The following KIAA1755 variants were observed in gnomAD, a reference collection of about 807,000 sequenced individuals.
KIAA1755 encodes the protein uncharacterized protein KIAA1755.
In KIAA1755, 68 loss-of-function variants were observed where a neutral mutation model predicts 91.7. The observed-to-expected ratio is 0.74, with a 90% CI of 0.61 to 0.91. KIAA1755 has a LOEUF of 0.91. Ranked by LOEUF, KIAA1755 falls within the 40% of genes least tolerant of loss-of-function variation. KIAA1755 has a pLI of 0.00. For missense variants in KIAA1755, 1,535 were observed against 1,494.4 expected, an observed-to-expected ratio of 1.03 and a Z score of -0.45; for synonymous variants, 610 against 604.6, an observed-to-expected ratio of 1.01 and a Z score of -0.13.
chr20:38,214,283 G>C (rs77614687), intron 13 of KIAA1755, among the ~76,000 whole-genome samples: 27 of 152,310 alleles, frequency 1.8e-4, no homozygotes, highest in Admixed American at 5.9e-4. Flanking sequence ...CTACGGGCCA[G>C]CAGGGACTTA....
chr20:38,223,932 T>G (rs987125565), intron 8 of KIAA1755, among the ~76,000 whole-genome samples: 10 of 151,686 alleles, frequency 6.6e-5, no homozygotes, highest in Non-Finnish European at 1.0e-4. Context: ...TGAGTATGAG[T>G]GAGGGAGAAG....
chr20:38,256,853 A>G (rs2076348056), intron 1 of KIAA1755, among the ~76,000 whole-genome samples: 1 of 152,182 alleles, frequency 6.6e-6, no homozygotes, highest in East Asian at 1.9e-4. Context: ...TGTGCTGTTT[A>G]AATTCCTTCC....
In KIAA1755 at chr20:38,218,310, C is replaced by CTT. The variant is rs1568732618; in HGVS notation, c.2611_2612dup (p.Asp872ArgfsTer71). The CTT allele has an allele frequency of 1.9e-6, 3 of 1,614,238 alleles. No homozygotes were observed. The East Asian group carries it at 6.7e-5, about 36-fold the overall frequency. ...TCTCCACTGTCTCCAAACTTCCATCCTTGGGGGTCAGTGATTGCAGGCACC... is the reference window on the plus strand; with the variant it reads ...TCTCCACTGTCTCCAAACTTCCATCCTTTTGGGGGTCAGTGATTGCAGGCACC... On this transcript the variant is annotated frameshift_variant, in exon 12 of 14. Coordinates refer to ENST00000279024, the MANE Select transcript of KIAA1755 (RefSeq NM_001029864.2). LOFTEE classifies it high-confidence loss of function.
At position 38,240,860 on chromosome 20, in the gene KIAA1755, C is replaced by T. The variant is rs768457929; in HGVS notation, c.1271G>A (p.Arg424His). The T allele has an allele frequency of 9.9e-5, 159 of 1,614,028 alleles. 4 individuals carry two copies. The South Asian group carries it at 1.4e-3, about 14-fold the overall frequency. ...AGCTGCAGGAGAAGCTGGGGACAGG[C>T]GGGGAGAGGAGGCTTGTCTTGGTCC... ...RPGPRQASSP[R>H]LSPASPAAAA... The change falls in exon 3 of 14, where the codon CGC becomes CAC. Residue 424 changes from arginine (R) to histidine (H), a missense_variant. Coordinates refer to ENST00000279024, the MANE Select transcript of KIAA1755 (RefSeq NM_001029864.2).
intron 4 of KIAA1755, among the ~76,000 whole-genome samples, chr20:38,232,770 A>T (rs545236287): frequency 6.6e-6 from 1 of 152,172 alleles, no homozygotes; most frequent in Admixed American, 6.5e-5. Flanking sequence ...TGGGGATAAG[A>T]GGGGAGACTT....
At chr20:38,229,077 C>T (rs941128936) in intron 5 of KIAA1755, among the ~76,000 whole-genome samples, 5 of 152,296 alleles carry the variant, frequency 3.3e-5, no homozygotes, top group Admixed American at 6.5e-5. Context: ...GTTCCAAGCA[C>T]CCTCGGCCAG....
At chr20:38,220,002 A>G (rs2075628450) in intron 10 of KIAA1755, among the ~76,000 whole-genome samples, 1 of 152,210 alleles carries the variant, frequency 6.6e-6, no homozygotes, top group Admixed American at 6.5e-5. Flanking sequence ...CTTCCCTAGA[A>G]GGGAATGAAG....
intron 4 of KIAA1755, chr20:38,233,439 C>G (rs2075904187): frequency 6.6e-6 from 1 of 152,104 alleles, no homozygotes; most frequent in Non-Finnish European, 1.5e-5. Context: ...GTACAGGTCC[C>G]TCCAAAATCC....
intron 6 of KIAA1755, 134 bp from the exon 7 acceptor site, chr20:38,227,374 TG>T: frequency 1.7e-6 from 1 of 577,852 alleles, no homozygotes; most frequent in Non-Finnish European, 3.1e-6. Context: ...CCTCCATGAC[TG>T]GAATCTTTGT....
chr20:38,225,849 C>G, intron 7 of KIAA1755, 68 bp from the exon 8 acceptor site: 1 of 878,050 alleles, frequency 1.1e-6, no homozygotes, highest in Non-Finnish European at 1.7e-6. Context: ...AGGTCCTGCC[C>G]AGATCCCTGC....
chr20:38,222,463 G>C lies in KIAA1755; in HGVS notation c.2403C>G (p.Phe801Leu). 6.2e-7 allele frequency: 1 copy of C among 1,613,180 alleles called. No individual in the cohort carries two copies. Among genetic ancestry groups the C allele is most frequent in the East Asian group, 2.2e-5 (1 of 44,884 alleles). The part of the protein sequence containing the change: ...RLQHDASRLD[F>L]SPDVRSHLAA... The stretch of plus-strand genomic sequence containing the variant: ...GACGTCTGTACCTGACATCAGGGCT[G>C]AAGTCCAGCCTGCTGGCATCATGCT... Residue 801 changes from phenylalanine (F) to leucine (L), a missense_variant, in exon 10 of 14, where the codon TTC (phenylalanine) becomes TTG (leucine). Coordinates refer to ENST00000279024, the MANE Select transcript of KIAA1755 (RefSeq NM_001029864.2).
At chr20:38,240,321 A>C (rs142549107) in intron 3 of KIAA1755, among the ~76,000 whole-genome samples, 1 of 152,310 alleles carries the variant, frequency 6.6e-6, no homozygotes, top group East Asian at 1.9e-4. Flanking sequence ...GACTCAGAGA[A>C]ACTCAGTACT....
chr20:38,245,821 TC>T (rs1258077788), intron 2 of KIAA1755, 107 bp downstream of exon 2: 3 of 1,004,818 alleles, frequency 3.0e-6, no homozygotes, highest in Non-Finnish European at 4.5e-6. Flanking sequence ...CACCCTCAGC[TC>T]CCCGTGAAAC....
chr20:38,247,785 G>A (rs972050888), intron 1 of KIAA1755, among the ~76,000 whole-genome samples: 2 of 152,156 alleles, frequency 1.3e-5, no homozygotes, highest in Admixed American at 1.3e-4. Context: ...AAGAGGGAAG[G>A]GTAAGAGGAA....
At chr20:38,250,607 G>T (rs2076234591) in intron 1 of KIAA1755, among the ~76,000 whole-genome samples, 1 of 151,806 alleles carries the variant, frequency 6.6e-6, no homozygotes, top group Non-Finnish European at 1.5e-5. Context: ...CCTGTATGGA[G>T]ACAGAGGGAG....
At chr20:38,253,240 A>G (rs1250068826) in intron 1 of KIAA1755, among the ~76,000 whole-genome samples, 1 of 152,132 alleles carries the variant, frequency 6.6e-6, no homozygotes, top group African/African-American at 2.4e-5. Context: ...CATGCTCACG[A>G]CCTTCTGGAC....
chr20:38,237,263 G>A (rs959668044), intron 4 of KIAA1755, among the ~76,000 whole-genome samples: 2 of 152,024 alleles, frequency 1.3e-5, no homozygotes, highest in Non-Finnish European at 2.9e-5. Context: ...CATCACACAG[G>A]ACTGTGGGGG....
At chr20:38,255,470 C>G (rs990245250) in intron 1 of KIAA1755, among the ~76,000 whole-genome samples, 2 of 152,188 alleles carry the variant, frequency 1.3e-5, no homozygotes, top group African/African-American at 4.8e-5. Flanking sequence ...TTCAGTAAAA[C>G]CTCCCAATTT....
intron 5 of KIAA1755, among the ~76,000 whole-genome samples, chr20:38,229,244 T>C (rs1467718137): frequency 6.6e-6 from 1 of 152,228 alleles, no homozygotes; most frequent in Non-Finnish European, 1.5e-5. Context: ...TTCATCTCCC[T>C]GAGTCAATTT....
Sources: allele counts gnomAD v4.1 joint callset (sites outside exome capture counted in the v4.1 genomes callset), GRCh38; gene constraint gnomAD v4.1.1; transcripts MANE v1.5; gene names NCBI Gene and HGNC (gene_info 2026-07-23, HGNC 2026-07-21).